FSTL5: variants seen among roughly 807,000 people sequenced by gnomAD.
The protein encoded by FSTL5 is follistatin-related protein 5.
Under a neutral mutation model 89.1 loss-of-function variants are expected in FSTL5, and 62 were observed. The observed-to-expected ratio is 0.70, with a 90% CI of 0.57 to 0.86. The LOEUF (loss-of-function observed/expected upper bound fraction) is 0.86, where lower values mean the gene tolerates loss of function less well. FSTL5 is among the 40% of genes least tolerant of loss of function. The probability of loss-of-function intolerance (pLI) is 0.00; values close to 1 mark genes in which losing one functional copy is unlikely to be tolerated. For synonymous variants in FSTL5, 383 were observed against 346.2 expected, an observed-to-expected ratio of 1.11 and a Z score of -1.18; for missense variants, 1,057 against 1,001.6, an observed-to-expected ratio of 1.06 and a Z score of -0.75.
At chr4:161,605,326 T>A (rs1399099953) in intron 7 of FSTL5, among the ~76,000 whole-genome samples, 1 of 152,180 alleles carries the variant, frequency 6.6e-6, no homozygotes. Flanking sequence ...CTGAGCCACA[T>A]TGATACATTT....
chr4:161,869,067 G>A (rs1032814567), intron 4 of FSTL5, among the ~76,000 whole-genome samples: 1 of 152,010 alleles, frequency 6.6e-6, no homozygotes, highest in Non-Finnish European at 1.5e-5. Flanking sequence ...ACAAAAATAG[G>A]TGGGCACCTG....
intron 4 of FSTL5, among the ~76,000 whole-genome samples, chr4:161,798,064 A>G (rs1729687106): frequency 6.6e-6 from 1 of 151,666 alleles, no homozygotes; most frequent in Admixed American, 6.6e-5. Context: ...ATTAACCTAT[A>G]TAATACTAAA....
chr4:162,073,073 C>G (rs78963717), intron 2 of FSTL5, among the ~76,000 whole-genome samples: 2,253 of 151,822 alleles, frequency 0.015, 54 homozygotes, highest in African/African-American at 0.051. Context: ...GGTGATTCAT[C>G]TTATTGCACT....
intron 3 of FSTL5, among the ~76,000 whole-genome samples, chr4:161,987,444 A>T (rs1735994942): frequency 6.7e-6 from 1 of 148,338 alleles, no homozygotes; most frequent in Non-Finnish European, 1.5e-5. Context: ...ATAACTCCTA[A>T]TTAACAGCTC....
At chr4:162,068,596 C>A (rs1729451466) in intron 2 of FSTL5, among the ~76,000 whole-genome samples, 1 of 151,910 alleles carries the variant, frequency 6.6e-6, no homozygotes. Context: ...ACTATAAAAA[C>A]CCAGATGAAA....
At chr4:161,536,575 T>C (rs774233194) in intron 10 of FSTL5, among the ~76,000 whole-genome samples, 7 of 152,172 alleles carry the variant, frequency 4.6e-5, no homozygotes, top group Non-Finnish European at 1.0e-4. Context: ...ACTTATTTAG[T>C]ATTGTCCTGA....
At chr4:161,517,616 ATGT>A (rs77383590) in intron 10 of FSTL5, among the ~76,000 whole-genome samples, 29,370 of 152,002 alleles carry the variant, frequency 0.19, 3,058 homozygotes, top group East Asian at 0.37. Context: ...GAGTTGAATG[ATGT>A]TATATAAGCA....
At chr4:161,989,194 G>A (rs1442402526) in intron 3 of FSTL5, among the ~76,000 whole-genome samples, 1 of 152,114 alleles carries the variant, frequency 6.6e-6, no homozygotes, top group African/African-American at 2.4e-5. Context: ...GTCTCATAAT[G>A]TTTCTCAGGA....
At chr4:161,644,848 AAC>A (rs1395631465) in intron 7 of FSTL5, among the ~76,000 whole-genome samples, 5 of 152,150 alleles carry the variant, frequency 3.3e-5, no homozygotes, top group African/African-American at 1.2e-4. Flanking sequence ...ACAGGCCTTA[AAC>A]TAAGGCAGCT....
chr4:162,083,418 A>G (rs1476858800), intron 2 of FSTL5, among the ~76,000 whole-genome samples: 1 of 151,744 alleles, frequency 6.6e-6, no homozygotes, highest in Non-Finnish European at 1.5e-5. Context: ...AGATAGTTCA[A>G]CTTTAGGGTG....
chr4:161,917,546 C>T (rs1282441547), intron 4 of FSTL5, among the ~76,000 whole-genome samples: 2 of 151,996 alleles, frequency 1.3e-5, no homozygotes, highest in Non-Finnish European at 2.9e-5. Context: ...AATACTATCC[C>T]TGGGTCTTAC....
intron 7 of FSTL5, among the ~76,000 whole-genome samples, chr4:161,635,366 C>T (rs185994471): frequency 2.0e-5 from 3 of 152,028 alleles, no homozygotes; most frequent in African/African-American, 2.4e-5. Flanking sequence ...CCAGCCTGGG[C>T]GATAGAGTGA....
chr4:162,133,051 T>C (rs1021767348), intron 1 of FSTL5, among the ~76,000 whole-genome samples: 2 of 152,190 alleles, frequency 1.3e-5, no homozygotes, highest in African/African-American at 2.4e-5. Flanking sequence ...CACGCCCTTC[T>C]CCTACCTCAC....
At chr4:161,668,876 C>T (rs1736986346) in intron 6 of FSTL5, among the ~76,000 whole-genome samples, 1 of 151,978 alleles carries the variant, frequency 6.6e-6, no homozygotes, top group Non-Finnish European at 1.5e-5. Context: ...CTTTGGGAGG[C>T]TGAGGTGGGT....
intron 2 of FSTL5, among the ~76,000 whole-genome samples, chr4:162,096,923 A>T (rs1730784858): frequency 6.6e-6 from 1 of 151,978 alleles, no homozygotes; most frequent in African/African-American, 2.4e-5. Context: ...ACTAACAGAA[A>T]TGTAGAACTC....
At chr4:162,040,537 TAGAG>T (rs2111222749) in intron 2 of FSTL5, among the ~76,000 whole-genome samples, 1 of 151,768 alleles carries the variant, frequency 6.6e-6, no homozygotes, top group South Asian at 2.1e-4. Context: ...GCCTCAAAAA[TAGAG>T]GGGAGACAGT....
Position 161,385,748 on chromosome 4 carries a change from T to C in FSTL5, c.2543A>G (p.Ter848=), listed in dbSNP as rs372559754. ...GNTVIWVGDA[*] ...TTCAATAATTGTATCGTAGGGTTTT[T>C]AGGCATCTCCAACCCAAATGACTGT... Residue 848 remains the stop codon, a stop_retained_variant, in exon 16 of 16, where the codon TAA becomes TGA. Coordinates refer to ENST00000306100, the MANE Select transcript of FSTL5 (RefSeq NM_020116.5). The C allele has an allele frequency of 6.4e-7, 1 of 1,571,296 alleles. No homozygotes were observed. The highest frequency in any genetic ancestry group is 8.6e-7 in the Non-Finnish European group (1 of 1,157,026).
At chr4:161,891,622 A>T (rs1732992503) in intron 4 of FSTL5, among the ~76,000 whole-genome samples, 1 of 152,128 alleles carries the variant, frequency 6.6e-6, no homozygotes. Context: ...TAAGTGACAA[A>T]TGTAATATTA....
intron 8 of FSTL5, among the ~76,000 whole-genome samples, chr4:161,580,014 A>G (rs1733379369): frequency 6.6e-6 from 1 of 152,126 alleles, no homozygotes; most frequent in Non-Finnish European, 1.5e-5. Context: ...ATTACTTTGG[A>G]CTAATTTTTT....
Sources: gnomAD v4.1 joint callset for allele counts (sites outside exome capture counted in the v4.1 genomes callset) on GRCh38, gnomAD v4.1.1 for gene constraint, MANE v1.5 for transcripts, NCBI Gene and HGNC (gene_info 2026-07-23, HGNC 2026-07-21) for gene names.